The following PPP2R2B variants were observed in gnomAD, a reference collection of about 807,000 sequenced individuals.
PPP2R2B encodes the protein serine/threonine-protein phosphatase 2A 55 kDa regulatory subunit B beta isoform.
PPP2R2B carries 5 observed loss-of-function variants against 46.0 expected under a neutral mutation model. The observed-to-expected ratio is 0.11, with a 90% CI of 0.06 to 0.23. The LOEUF (loss-of-function observed/expected upper bound fraction) is 0.23. Among genes scored for constraint, PPP2R2B ranks in the 10% least tolerant of loss-of-function variants. The pLI is 1.00. For synonymous variants in PPP2R2B, 215 were observed against 206.7 expected (o/e 1.04, Z -0.34); for missense variants, 367 against 575.0 (o/e 0.64, Z 3.70).
At position 146,975,502 on chromosome 5, in the gene PPP2R2B, A is replaced by AT. The variant is rs199938289; in HGVS notation, c.79+80162dup. ...ATATGTCTTTGAGATCTTGCTTTTA[A>AT]TTTTTTTTGGCTATATATCTGAAGT... On this transcript the variant is annotated intron_variant, in intron 1 of 8. Transcript: ENST00000336640. Among the ~76,000 whole-genome samples the AT allele has an allele frequency of 7.4e-3, 1,131 of 151,970 alleles. 10 individuals carry two copies. Among genetic ancestry groups the AT allele is most frequent in the African/African-American group, 0.026 (1,072 of 41,454 alleles).
chr5:147,073,893 AG>A (rs1455112560), intron 2 of PPP2R2B, among the ~76,000 whole-genome samples: 1 of 152,004 alleles, frequency 6.6e-6, no homozygotes, highest in East Asian at 1.9e-4. Context: ...AAAAGTAGCC[AG>A]GGGTGGTGGC....
chr5:147,053,545 A>AACACACACACACACAC lies in PPP2R2B; in HGVS notation c.79+2104_79+2119dup, dbSNP rs5872002. Reference sequence around the variant, plus strand: ...GGGTGACACGATTGCCAACAATATAAACACACACACACACACACACACACA... The same window carrying AACACACACACACACAC: ...GGGTGACACGATTGCCAACAATATAAACACACACACACACACACACACACACACACACACACACACA... On this transcript the variant is annotated intron_variant, in intron 1 of 8. Coordinates refer to the PPP2R2B transcript ENST00000336640. Among the ~76,000 whole-genome samples, 661 of 148,626 alleles carry AACACACACACACACAC rather than the reference A, an allele frequency of 4.4e-3. 5 individuals are homozygous for AACACACACACACACAC. Among genetic ancestry groups the AACACACACACACACAC allele is most frequent in the Middle Eastern group, 0.01 (3 of 290 alleles).
chr5:146,899,564 T>C lies in PPP2R2B; in HGVS notation c.79+156101A>G, dbSNP rs556737430. 1.6e-3 allele frequency among the ~76,000 whole-genome samples: 236 copies of C among 152,034 alleles called. 3 individuals are homozygous for C. Among genetic ancestry groups the C allele is most frequent in the African/African-American group, 5.1e-3 (210 of 41,452 alleles). ...GGGTGCAGCACACCAGCATGGAACA[T>C]GTATACATATGTAACTAACCTGCAC... is the stretch of plus-strand genomic sequence containing the variant. On this transcript the variant is annotated intron_variant, in intron 1 of 8. Transcript: ENST00000336640.
At position 147,006,457 on chromosome 5, in the gene PPP2R2B, A is replaced by G. The variant is rs535367875; in HGVS notation, c.79+49208T>C. Among the ~76,000 whole-genome samples, 316 of 152,266 alleles carry G rather than the reference A, an allele frequency of 2.1e-3. 1 individual carries two copies. Among genetic ancestry groups the G allele is most frequent in the African/African-American group, 7.3e-3 (305 of 41,554 alleles). ...ATGTATTATCCTAACTTCTAATCTT[A>G]TGGAAATCAGACCCTATCTGTGCCC... On this transcript the variant is annotated intron_variant, in intron 1 of 8. Transcript: ENST00000336640.
At chr5:147,021,347 A>C (rs1755258293) in intron 1 of PPP2R2B, among the ~76,000 whole-genome samples, 1 of 152,170 alleles carries the variant, frequency 6.6e-6, no homozygotes, top group African/African-American at 2.4e-5. Context: ...TCATGCAGCC[A>C]TAATTTGGAG....
chr5:146,760,919 A>G (rs1274836993), intron 2 of PPP2R2B, among the ~76,000 whole-genome samples: 1 of 152,252 alleles, frequency 6.6e-6, no homozygotes, highest in Non-Finnish European at 1.5e-5. Context: ...AAAAATGCTC[A>G]TCATCACTGG....
At chr5:147,043,442 G>A (rs528491762) in intron 1 of PPP2R2B, among the ~76,000 whole-genome samples, 8 of 152,150 alleles carry the variant, frequency 5.3e-5, no homozygotes, top group East Asian at 1.9e-4. Flanking sequence ...GAAGACGGTC[G>A]TCAGCAAGCC....
At chr5:146,802,294 T>C (rs949179413) in intron 2 of PPP2R2B, among the ~76,000 whole-genome samples, 1 of 152,234 alleles carries the variant, frequency 6.6e-6, no homozygotes, top group African/African-American at 2.4e-5. Flanking sequence ...ACCTAACATC[T>C]GGCATAGCTA....
chr5:146,697,783 T>C (rs1779267609), intron 4 of PPP2R2B, among the ~76,000 whole-genome samples, 196 bp downstream of exon 4: 1 of 152,168 alleles, frequency 6.6e-6, no homozygotes, highest in Non-Finnish European at 1.5e-5. Context: ...AAATTTAATA[T>C]TTTAAAAAAC....
chr5:146,733,209 T>G (rs1449475647), intron 2 of PPP2R2B, among the ~76,000 whole-genome samples: 1 of 152,176 alleles, frequency 6.6e-6, no homozygotes. Flanking sequence ...ACCCACTCAG[T>G]GCAAGTTATG....
intron 2 of PPP2R2B, chr5:146,707,170 CT>C (rs1779915453): frequency 6.3e-7 from 1 of 1,593,682 alleles, no homozygotes; most frequent in Non-Finnish European, 8.5e-7. Flanking sequence ...CAGCTGCCGC[CT>C]AAGGCTGTTG....
chr5:146,702,045 T>A (rs1236854198), intron 2 of PPP2R2B, among the ~76,000 whole-genome samples: 11 of 123,392 alleles, frequency 8.9e-5, no homozygotes, highest in African/African-American at 3.6e-4. Context: ...CTACCAAGAG[T>A]GCAAATGAGT....
At chr5:146,671,003 T>TA (rs1486574150) in intron 5 of PPP2R2B, among the ~76,000 whole-genome samples, 2 of 152,154 alleles carry the variant, frequency 1.3e-5, no homozygotes, top group African/African-American at 4.8e-5. Context: ...GTTCTCAGTT[T>TA]AAAAAAATCA....
intron 2 of PPP2R2B, among the ~76,000 whole-genome samples, chr5:146,704,578 G>T (rs1275935309): frequency 6.6e-6 from 1 of 152,192 alleles, no homozygotes; most frequent in Non-Finnish European, 1.5e-5. Context: ...AGCTAGAAAG[G>T]TCAGATGTAG....
At chr5:146,714,984 A>C (rs529092975) in intron 2 of PPP2R2B, among the ~76,000 whole-genome samples, 1 of 152,280 alleles carries the variant, frequency 6.6e-6, no homozygotes, top group Non-Finnish European at 1.5e-5. Context: ...CTGCTAACTC[A>C]TATACACTTT....
At chr5:146,767,453 C>G (rs1191517018) in intron 2 of PPP2R2B, among the ~76,000 whole-genome samples, 1 of 152,058 alleles carries the variant, frequency 6.6e-6, no homozygotes, top group Non-Finnish European at 1.5e-5. Context: ...GTGTTTCTAA[C>G]AAGTTCCCAT....
chr5:146,873,913 C>T (rs528228490), intron 2 of PPP2R2B, among the ~76,000 whole-genome samples: 1 of 152,160 alleles, frequency 6.6e-6, no homozygotes, highest in African/African-American at 2.4e-5. Flanking sequence ...CACTCTTCTC[C>T]CTGTTCCTAG....
rs1770370801 is a variant in PPP2R2B at position 146,589,399 on chromosome 5, T to G, written c.*548A>C. ...TCTTCTCAGCTTCATGCAATAAATC[T>G]CTGGCTTAAATGAAATTGTTCAAAG... On this transcript the variant is annotated 3_prime_UTR_variant, in exon 10 of 10. Transcript: ENST00000394411. The G allele has an allele frequency of 6.5e-6, 1 of 153,832 alleles. No individual in the cohort carries two copies. Among genetic ancestry groups the G allele is most frequent in the Non-Finnish European group, 1.4e-5 (1 of 69,098 alleles). The allele number at this position is 153,832 out of a possible 1,614,324, so 9.5% of individuals were successfully genotyped here. A position where few individuals can be genotyped will look rare whatever the true frequency, so the allele number is the denominator to read the frequency against.
intron 2 of PPP2R2B, among the ~76,000 whole-genome samples, chr5:146,825,218 T>C (rs1182096589): frequency 6.6e-6 from 1 of 152,152 alleles, no homozygotes; most frequent in Non-Finnish European, 1.5e-5. Context: ...GGAACAACCC[T>C]TCAGAGGGTT....
Sources: gnomAD v4.1 joint callset for allele counts (sites outside exome capture counted in the v4.1 genomes callset) on GRCh38, gnomAD v4.1.1 for gene constraint, MANE v1.5 for transcripts, NCBI Gene and HGNC (gene_info 2026-07-23, HGNC 2026-07-21) for gene names.